Variants in NFS1 observed in about 807,000 individuals in gnomAD.
NFS1 encodes cysteine desulfurase.
Under a neutral mutation model 57.3 loss-of-function variants are expected in NFS1, and 26 were observed. The ratio of observed to expected loss-of-function variants is 0.45; its 90% CI spans 0.33 to 0.63. The LOEUF (loss-of-function observed/expected upper bound fraction) is 0.63. Ranked by LOEUF, NFS1 falls within the 20% of genes least tolerant of loss-of-function variation. NFS1 has a pLI of 0.02. For missense variants in NFS1, 505 were observed against 605.8 expected (o/e 0.83, Z 1.75); for synonymous variants, 209 against 216.3 (o/e 0.97, Z 0.30).
chr20:35,691,274 A>G (rs2035035096), intron 4 of NFS1, among the ~76,000 whole-genome samples: 1 of 152,158 alleles, frequency 6.6e-6, no homozygotes, highest in Non-Finnish European at 1.5e-5. Context: ...TTTAACCAAT[A>G]TTTAGCACCT....
intron 2 of NFS1, 62 bp from the exon 3 acceptor site, chr20:35,697,862 CCCTCAGA>C: frequency 1.8e-6 from 2 of 1,139,814 alleles, no homozygotes; most frequent in Non-Finnish European, 2.6e-6. Context: ...CCCACTCCAC[CCCTCAGA>C]CCTGGCCACC....
Position 35,669,280 on chromosome 20 carries a change from T to C in NFS1, c.*342A>G, listed in dbSNP as rs1601513568. On this transcript the variant is annotated 3_prime_UTR_variant, in exon 13 of 13. Transcript: ENST00000374092. The stretch of plus-strand genomic sequence containing the variant: ...ACTCAAATGTCCATGTAGAGCATCA[T>C]GGTCCCTGACCAAAGAGACTTCTTC... 2.9e-5 allele frequency: 6 copies of C among 207,712 alleles called. 1 individual carries two copies. The highest frequency in any genetic ancestry group is 2.3e-4 in the Admixed American group (4 of 17,680). The allele number at this position is 207,712 out of a possible 1,614,324, so 12.9% of individuals were successfully genotyped here. A position where few individuals can be genotyped will look rare whatever the true frequency, so the allele number is the denominator to read the frequency against.
At chr20:35,698,677 C>T (rs1452399988) in intron 1 of NFS1, 87 bp from the exon 2 acceptor site, 3 of 1,483,768 alleles carry the variant, frequency 2.0e-6, no homozygotes, top group Non-Finnish European at 2.7e-6. Context: ...AAAAATCTGG[C>T]TGGAGGTGAG....
At chr20:35,679,855 G>A (rs1037413410) in intron 7 of NFS1, among the ~76,000 whole-genome samples, 1 of 152,070 alleles carries the variant, frequency 6.6e-6, no homozygotes, top group African/African-American at 2.4e-5. Flanking sequence ...TATATTTTAT[G>A]GTTACCTTCA....
rs971107845 is a variant in NFS1, at chr20:35,687,958, G to A, written c.561+2455C>T. Among the ~76,000 whole-genome samples, 5 of 152,232 alleles carry A rather than the reference G, an allele frequency of 3.3e-5. No homozygotes were observed. The East Asian group carries it at 5.8e-4, about 18-fold the overall frequency. On this transcript the variant is annotated intron_variant, in intron 5 of 12. Coordinates refer to ENST00000374092, the MANE Select transcript of NFS1 (RefSeq NM_021100.5). ...ATAAAAAATGTTTAAAAATTTAGCAGGCTGGCCAGGCACAGTGGCTCACGT... is the reference window on the plus strand; with the variant it reads ...ATAAAAAATGTTTAAAAATTTAGCAAGCTGGCCAGGCACAGTGGCTCACGT...
At chr20:35,676,657 TA>T (rs1203162306) in intron 7 of NFS1, among the ~76,000 whole-genome samples, 1 of 139,592 alleles carries the variant, frequency 7.2e-6, no homozygotes, top group Non-Finnish European at 1.5e-5. Flanking sequence ...ATCATCTGGA[TA>T]AAAAAGAAAG....
At chr20:35,674,930 G>T in intron 8 of NFS1, 115 bp downstream of exon 8, 1 of 1,432,322 alleles carries the variant, frequency 7.0e-7, no homozygotes, top group Non-Finnish European at 9.8e-7. Flanking sequence ...ACAAGGAAGA[G>T]TTTTCTTAAG....
intron 7 of NFS1, among the ~76,000 whole-genome samples, chr20:35,676,874 CT>C (rs1003459838): frequency 6.8e-6 from 1 of 148,008 alleles, no homozygotes; most frequent in East Asian, 2.0e-4. Flanking sequence ...TTTTTTTTCC[CT>C]TTTTTTTTGA....
intron 7 of NFS1, among the ~76,000 whole-genome samples, chr20:35,679,913 A>G (rs879291566): frequency 6.6e-6 from 1 of 152,154 alleles, no homozygotes; most frequent in Non-Finnish European, 1.5e-5. Flanking sequence ...GGAAAGAGGC[A>G]TAACTCAAGC....
chr20:35,676,923 AT>A (rs1773049495), intron 7 of NFS1, among the ~76,000 whole-genome samples: 1 of 151,838 alleles, frequency 6.6e-6, no homozygotes, highest in African/African-American at 2.4e-5. Context: ...CTGGAGTGCA[AT>A]GGCACGGTCT....
intron 4 of NFS1, among the ~76,000 whole-genome samples, chr20:35,694,040 G>A (rs975663209): frequency 6.6e-6 from 1 of 152,150 alleles, no homozygotes; most frequent in Non-Finnish European, 1.5e-5. Context: ...TAGCTACTTG[G>A]GAGGCTAAGA....
intron 5 of NFS1, among the ~76,000 whole-genome samples, chr20:35,686,721 G>A (rs890345282): frequency 4.6e-5 from 7 of 152,112 alleles, no homozygotes; most frequent in Admixed American, 2.0e-4. Flanking sequence ...TGTTGCTAAA[G>A]GTGTGGGCAG....
intron 5 of NFS1, among the ~76,000 whole-genome samples, chr20:35,683,509 G>A (rs369659726): frequency 8.0e-5 from 12 of 150,378 alleles, no homozygotes; most frequent in African/African-American, 2.4e-4. Context: ...GGCCAGGCAC[G>A]GTGGCTCACA....
intron 7 of NFS1, among the ~76,000 whole-genome samples, chr20:35,678,936 A>G (rs2034802285): frequency 6.6e-6 from 1 of 152,212 alleles, no homozygotes; most frequent in South Asian, 2.1e-4. Context: ...AAAAAAATTC[A>G]AGAATCTTAT....
chr20:35,688,264 AT>A (rs2034978212), intron 5 of NFS1, among the ~76,000 whole-genome samples: 1 of 150,884 alleles, frequency 6.6e-6, no homozygotes, highest in Admixed American at 6.6e-5. Flanking sequence ...AAAAAAAAAA[AT>A]TTAGCCAGGC....
intron 4 of NFS1, chr20:35,694,887 TAA>T (rs752851196): frequency 3.6e-4 from 48 of 133,870 alleles, no homozygotes; most frequent in Middle Eastern, 3.6e-3. Context: ...AGACTCAGTC[TAA>T]AAAAAAAAAA....
chr20:35,676,609 T>C (rs1226825637), intron 7 of NFS1, among the ~76,000 whole-genome samples: 2 of 149,520 alleles, frequency 1.3e-5, no homozygotes, highest in Non-Finnish European at 3.0e-5. Context: ...TACCATTAGG[T>C]GAAAAATGAA....
chr20:35,692,810 T>C (rs1322155079), intron 4 of NFS1, among the ~76,000 whole-genome samples: 1 of 152,026 alleles, frequency 6.6e-6, no homozygotes, highest in Non-Finnish European at 1.5e-5. Flanking sequence ...GAGACCAGCC[T>C]AGTCAACATG....
At chr20:35,690,268 C>T (rs1601532476) in intron 5 of NFS1, 145 bp downstream of exon 5, 3 of 773,276 alleles carry the variant, frequency 3.9e-6, no homozygotes, top group East Asian at 2.5e-5. Context: ...AACATGATCT[C>T]GTTCTCTGCC....
Sources: allele counts gnomAD v4.1 joint callset (sites outside exome capture counted in the v4.1 genomes callset), GRCh38; gene constraint gnomAD v4.1.1; transcripts MANE v1.5; gene names NCBI Gene and HGNC (gene_info 2026-07-23, HGNC 2026-07-21).